Variants in CFAP299 observed in about 807,000 individuals in gnomAD.
CFAP299 encodes the protein cilia- and flagella-associated protein 299.
A neutral mutation model predicts 27.0 loss-of-function variants in CFAP299; 21 were observed. That is an observed-to-expected ratio of 0.78 (90% CI 0.55 to 1.12). CFAP299 has a LOEUF of 1.12. Ranked by LOEUF, CFAP299 falls within the 50% of genes most tolerant of loss-of-function variation. The probability of loss-of-function intolerance (pLI) is 0.00; values close to 1 mark genes in which losing one functional copy is unlikely to be tolerated. For missense variants in CFAP299, 310 were observed against 276.6 expected (o/e 1.12, Z -0.86); for synonymous variants, 104 against 98.1 (o/e 1.06, Z -0.36).
intron 2 of CFAP299, among the ~76,000 whole-genome samples, chr4:80,502,190 C>T (rs938242978): frequency 8.6e-5 from 13 of 151,940 alleles, no homozygotes; most frequent in African/African-American, 3.1e-4. Context: ...TGAGATTTTG[C>T]AGGTATCAGT....
chr4:80,530,594 C>G (rs893973499), intron 2 of CFAP299, among the ~76,000 whole-genome samples: 20 of 152,170 alleles, frequency 1.3e-4, no homozygotes, highest in African/African-American at 4.1e-4. Flanking sequence ...AAAATAAAGT[C>G]TTTGCTTTTG....
At chr4:80,800,499 ATATATT>A (rs1164302910) in intron 3 of CFAP299, among the ~76,000 whole-genome samples, 3 of 2,708 alleles carry the variant, frequency 1.1e-3, no homozygotes, top group Non-Finnish European at 2.9e-3. Context: ...ATAATATATA[ATATATT>A]ATATAATATA....
chr4:80,799,362 ATATTTATATATATAAATG>A (rs1560416392), intron 3 of CFAP299, among the ~76,000 whole-genome samples: 1 of 98,020 alleles, frequency 1.0e-5, no homozygotes, highest in Admixed American at 1.7e-4. Context: ...TATTTATATA[ATATTTATATATATAAATG>A]TATTTATATA....
At chr4:80,369,521 A>T (rs1055189391) in intron 2 of CFAP299, among the ~76,000 whole-genome samples, 25 of 152,126 alleles carry the variant, frequency 1.6e-4, no homozygotes, top group Non-Finnish European at 3.2e-4. Flanking sequence ...TTTGTCATTC[A>T]CATTTAAAAT....
At position 80,504,182 on chromosome 4, in the gene CFAP299, C is replaced by T. The variant is rs530928571; in HGVS notation, c.243-78911C>T. Among the ~76,000 whole-genome samples the T allele has an allele frequency of 9.2e-5, 14 of 151,444 alleles. No individual in the cohort carries two copies. In the South Asian group the frequency reaches 1.3e-3, roughly 14 times the overall value. On this transcript the variant is annotated intron_variant, in intron 2 of 5. Coordinates refer to ENST00000358105, the MANE Select transcript of CFAP299 (RefSeq NM_152770.3). ...CTGAGGGAGTGACCAGTGTTCTGAG[C>T]GGAGATGTCTAAGTGGATATGAAGT... is the stretch of plus-strand genomic sequence containing the variant.
At chr4:80,851,617 G>T (rs1228328148) in intron 3 of CFAP299, among the ~76,000 whole-genome samples, 1 of 152,024 alleles carries the variant, frequency 6.6e-6, no homozygotes, top group African/African-American at 2.4e-5. Flanking sequence ...TAAAGTAGAA[G>T]AAAAATGACT....
At chr4:80,383,952 T>G (rs533450255) in intron 2 of CFAP299, among the ~76,000 whole-genome samples, 1 of 152,288 alleles carries the variant, frequency 6.6e-6, no homozygotes, top group Non-Finnish European at 1.5e-5. Context: ...TTGCTTGGCC[T>G]CTGATGAGAC....
intron 3 of CFAP299, among the ~76,000 whole-genome samples, chr4:80,665,274 A>C (rs1392005273): frequency 1.3e-5 from 2 of 152,184 alleles, no homozygotes; most frequent in African/African-American, 4.8e-5. Context: ...TTTCCTTTTC[A>C]AAGTTCCAAA....
chr4:80,844,667 T>A (rs1429613686), intron 3 of CFAP299, among the ~76,000 whole-genome samples: 1 of 152,212 alleles, frequency 6.6e-6, no homozygotes, highest in Non-Finnish European at 1.5e-5. Flanking sequence ...CTTTGTCAGA[T>A]GAGTAGATTG....
At chr4:80,368,633 A>T (rs746163469) in intron 2 of CFAP299, among the ~76,000 whole-genome samples, 1 of 152,170 alleles carries the variant, frequency 6.6e-6, no homozygotes, top group South Asian at 2.1e-4. Flanking sequence ...TTAAAAAAAA[A>T]TTATGGTGAT....
At chr4:80,863,516 G>T (rs1251643749) in intron 3 of CFAP299, among the ~76,000 whole-genome samples, 4 of 152,040 alleles carry the variant, frequency 2.6e-5, no homozygotes, top group South Asian at 2.1e-4. Flanking sequence ...GAGGTCACAG[G>T]CTCCCTCAGT....
chr4:80,436,631 T>G (rs1448475141), intron 2 of CFAP299, among the ~76,000 whole-genome samples: 2 of 152,208 alleles, frequency 1.3e-5, no homozygotes. Flanking sequence ...TAAAGTGTAT[T>G]GCCTTTCTGC....
intron 2 of CFAP299, among the ~76,000 whole-genome samples, chr4:80,485,558 A>G (rs1318920849): frequency 6.6e-6 from 1 of 152,114 alleles, no homozygotes; most frequent in Non-Finnish European, 1.5e-5. Context: ...AATAATACTA[A>G]TGGGATCTTA....
intron 3 of CFAP299, among the ~76,000 whole-genome samples, chr4:80,786,426 T>C (rs955276945): frequency 2.0e-5 from 3 of 152,138 alleles, no homozygotes; most frequent in Non-Finnish European, 4.4e-5. Flanking sequence ...TTCAGATTAA[T>C]GAAGCTGTAA....
chr4:80,540,297 G>T (rs1354388420), intron 2 of CFAP299, among the ~76,000 whole-genome samples: 1 of 152,150 alleles, frequency 6.6e-6, no homozygotes, highest in African/African-American at 2.4e-5. Flanking sequence ...CAGAGGACAG[G>T]CAATAGATGA....
At chr4:80,851,711 G>A (rs964297007) in intron 3 of CFAP299, among the ~76,000 whole-genome samples, 2 of 152,118 alleles carry the variant, frequency 1.3e-5, no homozygotes, top group Non-Finnish European at 2.9e-5. Context: ...ATTTGAGTAT[G>A]AAAATATGGG....
intron 3 of CFAP299, among the ~76,000 whole-genome samples, chr4:80,708,205 A>T (rs1237072413): frequency 6.6e-6 from 1 of 152,054 alleles, no homozygotes; most frequent in Admixed American, 6.6e-5. Flanking sequence ...ATGGATACAT[A>T]ATGTTTCCCT....
At chr4:80,898,688 T>C (rs1229699126) in intron 4 of CFAP299, among the ~76,000 whole-genome samples, 1 of 151,926 alleles carries the variant, frequency 6.6e-6, no homozygotes, top group Non-Finnish European at 1.5e-5. Context: ...TCTGAGAAAA[T>C]TAGATTTTAA....
chr4:80,661,079 A>T (rs573681051), intron 3 of CFAP299, among the ~76,000 whole-genome samples: 1 of 152,250 alleles, frequency 6.6e-6, no homozygotes, highest in East Asian at 1.9e-4. Flanking sequence ...TAATCCCAGC[A>T]CTTTGAGAGA....
Sources: gnomAD v4.1 joint callset for allele counts (sites outside exome capture counted in the v4.1 genomes callset) on GRCh38, gnomAD v4.1.1 for gene constraint, MANE v1.5 for transcripts, NCBI Gene and HGNC (gene_info 2026-07-23, HGNC 2026-07-21) for gene names.